Variants in DACH1 observed in about 807,000 individuals in gnomAD.
DACH1 encodes dachshund family transcription factor 1, also known as dachshund homolog 1.
In DACH1, 12 loss-of-function variants were observed where a neutral mutation model predicts 54.2. The observed-to-expected ratio is 0.22, with a 90% confidence interval of 0.14 to 0.36. The LOEUF (loss-of-function observed/expected upper bound fraction) is 0.36. Ranked by LOEUF, DACH1 falls within the 10% of genes least tolerant of loss-of-function variation. DACH1 has a pLI of 1.00. For missense variants in DACH1, 805 were observed against 929.8 expected (o/e 0.87, Z 1.75); for synonymous variants, 386 against 366.2 (o/e 1.05, Z -0.62).
intron 1 of DACH1, among the ~76,000 whole-genome samples, chr13:71,742,841 T>C (rs534323141): frequency 6.6e-6 from 1 of 152,268 alleles, no homozygotes; most frequent in Admixed American, 6.5e-5. Context: ...CTGCCTTTAT[T>C]TTTCTCTTGT....
intron 6 of DACH1, among the ~76,000 whole-genome samples, chr13:71,510,743 C>CCATT (rs1287174375): frequency 6.6e-6 from 1 of 151,784 alleles, no homozygotes; most frequent in Non-Finnish European, 1.5e-5. Flanking sequence ...GAATGGTATT[C>CCATT]CATTACACAG....
intron 6 of DACH1, among the ~76,000 whole-genome samples, chr13:71,549,953 A>G (rs1037909151): frequency 1.3e-5 from 2 of 152,180 alleles, no homozygotes; most frequent in Non-Finnish European, 2.9e-5. Context: ...TATTTTTAAT[A>G]CAATCATTGA....
Position 71,565,014 on chromosome 13 carries a change from C to G in DACH1, c.1300-5059G>C, listed in dbSNP as rs377594554. Among the ~76,000 whole-genome samples the G allele has an allele frequency of 1.1e-4, 17 of 152,088 alleles. No individual in the cohort carries two copies. In the East Asian group the frequency reaches 3.1e-3, roughly 28 times the overall value. ...TCGGCTCACTGCAACCTCCACCTCC[C>G]TGGTTCAAGCAATTCTCCTACCTCA... On this transcript the variant is annotated intron_variant, in intron 4 of 10. Coordinates refer to ENST00000613252, the MANE Select transcript of DACH1 (RefSeq NM_080759.6).
intron 1 of DACH1, among the ~76,000 whole-genome samples, chr13:71,860,047 T>G (rs968924300): frequency 6.6e-6 from 1 of 151,850 alleles, no homozygotes; most frequent in Non-Finnish European, 1.5e-5. Context: ...CATAGTTTTC[T>G]TCTTTAAAAA....
intron 10 of DACH1, among the ~76,000 whole-genome samples, chr13:71,444,831 A>G (rs1006111973): frequency 6.6e-6 from 1 of 151,952 alleles, no homozygotes; most frequent in Non-Finnish European, 1.5e-5. Context: ...TCCCTCCCCT[A>G]GGTTTAGTGG....
intron 1 of DACH1, among the ~76,000 whole-genome samples, chr13:71,714,144 G>T (rs1381896827): frequency 6.6e-6 from 1 of 151,866 alleles, no homozygotes. Context: ...ATTTCATATG[G>T]GCTATTTTAT....
intron 2 of DACH1, chr13:71,675,275 T>C: frequency 6.3e-7 from 1 of 1,599,614 alleles, no homozygotes; most frequent in African/African-American, 1.3e-5. Context: ...TTCCAGAGTC[T>C]GGTGCGAGAA....
intron 2 of DACH1, among the ~76,000 whole-genome samples, chr13:71,643,679 T>C (rs1398584521): frequency 6.6e-6 from 1 of 151,998 alleles, no homozygotes; most frequent in African/African-American, 2.4e-5. Flanking sequence ...GCCAAGAAAC[T>C]GGTAATAAAT....
intron 10 of DACH1, among the ~76,000 whole-genome samples, chr13:71,447,662 C>G (rs973465120): frequency 2.0e-5 from 3 of 151,480 alleles, no homozygotes; most frequent in Non-Finnish European, 4.4e-5. Context: ...GAAACCCCGA[C>G]TCTACTAAAA....
chr13:71,525,335 G>C (rs1881881081), intron 6 of DACH1, among the ~76,000 whole-genome samples: 1 of 152,028 alleles, frequency 6.6e-6, no homozygotes, highest in Non-Finnish European at 1.5e-5. Context: ...TGGGTGGAGA[G>C]AATCAAAGAA....
At chr13:71,863,527 G>A (rs964960586) in intron 1 of DACH1, among the ~76,000 whole-genome samples, 1 of 152,172 alleles carries the variant, frequency 6.6e-6, no homozygotes, top group Non-Finnish European at 1.5e-5. Context: ...GTAGTGATGA[G>A]ATATTTGTGA....
At position 71,482,005 on chromosome 13, in the gene DACH1, G is replaced by T. The variant is rs116620760; in HGVS notation, c.1723-2689C>A. ...AAAAACGATAGAAGGTTTAAAGCAT[G>T]ATTTTTTCTCCAAGGGGAGGATGGT... On this transcript the variant is annotated intron_variant, in intron 7 of 10. Coordinates refer to ENST00000613252, the MANE Select transcript of DACH1 (RefSeq NM_080759.6). Among the ~76,000 whole-genome samples, 273 of 152,314 alleles carry T rather than the reference G, an allele frequency of 1.8e-3. 1 individual carries two copies. The highest frequency in any genetic ancestry group is 6.3e-3 in the African/African-American group (263 of 41,568).
chr13:71,518,770 C>T (rs1315116331), intron 6 of DACH1, among the ~76,000 whole-genome samples: 2 of 151,732 alleles, frequency 1.3e-5, no homozygotes, highest in East Asian at 1.9e-4. Flanking sequence ...TTAGAGGAAA[C>T]AGAAATCATA....
intron 6 of DACH1, among the ~76,000 whole-genome samples, chr13:71,501,022 GTCAA>G (rs1395373518): frequency 6.6e-6 from 1 of 152,020 alleles, no homozygotes; most frequent in Non-Finnish European, 1.5e-5. Context: ...AACTGAAATT[GTCAA>G]TCAAAGAGTC....
intron 1 of DACH1, among the ~76,000 whole-genome samples, chr13:71,795,560 G>T (rs1236050386): frequency 1.3e-5 from 2 of 152,092 alleles, no homozygotes; most frequent in Admixed American, 1.3e-4. Context: ...CTCCAAATGA[G>T]GGAAAGAAAA....
chr13:71,483,488 T>G (rs1878233688), intron 7 of DACH1, among the ~76,000 whole-genome samples: 1 of 146,906 alleles, frequency 6.8e-6, no homozygotes, highest in South Asian at 2.1e-4. Context: ...AAATAATATA[T>G]TAATATAATA....
intron 6 of DACH1, among the ~76,000 whole-genome samples, chr13:71,521,124 ACT>A (rs1244561937): frequency 6.6e-6 from 1 of 151,886 alleles, no homozygotes; most frequent in African/African-American, 2.4e-5. Context: ...ATGACCTTGG[ACT>A]CTGTCTTATT....
chr13:71,762,704 T>C (rs1006741479), intron 1 of DACH1, among the ~76,000 whole-genome samples: 4 of 146,706 alleles, frequency 2.7e-5, no homozygotes, highest in Non-Finnish European at 4.5e-5. Context: ...GAGGCGGAGA[T>C]TGCAGTGAGC....
chr13:71,831,630 T>C (rs1438813416), intron 1 of DACH1, among the ~76,000 whole-genome samples: 4 of 151,956 alleles, frequency 2.6e-5, no homozygotes, highest in African/African-American at 7.2e-5. Flanking sequence ...CACAAAATCA[T>C]GATTAATTTT....
Sources: gnomAD v4.1 joint callset for allele counts (sites outside exome capture counted in the v4.1 genomes callset) on GRCh38, gnomAD v4.1.1 for gene constraint, MANE v1.5 for transcripts, NCBI Gene and HGNC (gene_info 2026-07-23, HGNC 2026-07-21) for gene names.